Variants in MKLN1 observed in about 807,000 individuals in gnomAD.
The protein encoded by MKLN1 is muskelin.
Under a neutral mutation model 99.0 loss-of-function variants are expected in MKLN1, and 18 were observed. The ratio of observed to expected loss-of-function variants is 0.18; its 90% CI spans 0.13 to 0.27. MKLN1 has a LOEUF of 0.27. MKLN1 is among the 10% of genes least tolerant of loss of function. The probability of loss-of-function intolerance (pLI) is 1.00; values close to 1 mark genes in which losing one functional copy is unlikely to be tolerated. For missense variants in MKLN1, 621 were observed against 875.9 expected, an observed-to-expected ratio of 0.71 and a Z score of 3.67; for synonymous variants, 288 against 293.2, an observed-to-expected ratio of 0.98 and a Z score of 0.18.
chr7:131,327,103 C>CT (rs1179248496), upstream of MKLN1: 4 of 152,330 alleles, frequency 2.6e-5, no homozygotes, highest in African/African-American at 9.6e-5. Flanking sequence ...AAGGAATAGT[C>CT]TTTTTCCTGA....
intron 1 of MKLN1, among the ~76,000 whole-genome samples, chr7:131,118,557 A>G (rs1584771182): frequency 1.3e-5 from 2 of 151,884 alleles, no homozygotes; most frequent in Admixed American, 6.6e-5. Context: ...CTGTCTCAAA[A>G]AAAAAAAAAG....
intron 3 of MKLN1, among the ~76,000 whole-genome samples, chr7:131,228,883 T>C (rs1232697654): frequency 6.6e-6 from 1 of 152,160 alleles, no homozygotes; most frequent in Non-Finnish European, 1.5e-5. Flanking sequence ...TCACCGAAAA[T>C]CCAAACTCTG....
intron 3 of MKLN1, among the ~76,000 whole-genome samples, chr7:131,239,330 T>TC (rs901980221): frequency 2.6e-5 from 4 of 151,962 alleles, no homozygotes; most frequent in Non-Finnish European, 4.4e-5. Flanking sequence ...TTTTTTTTTT[T>TC]CAGACAGGGT....
At chr7:131,418,897 T>C (rs1795104961) in intron 8 of MKLN1, among the ~76,000 whole-genome samples, 1 of 152,138 alleles carries the variant, frequency 6.6e-6, no homozygotes, top group Non-Finnish European at 1.5e-5. Flanking sequence ...GCTCTGAACT[T>C]TCACAAGACT....
intron 3 of MKLN1, among the ~76,000 whole-genome samples, chr7:131,262,798 G>A (rs934001661): frequency 1.3e-4 from 19 of 151,866 alleles, no homozygotes; most frequent in East Asian, 1.2e-3. Flanking sequence ...CGCCCACCTC[G>A]GCCTCCCAAA....
chr7:131,201,700 A>G (rs1796730932), intron 2 of MKLN1, among the ~76,000 whole-genome samples: 1 of 152,270 alleles, frequency 6.6e-6, no homozygotes, highest in Non-Finnish European at 1.5e-5. Flanking sequence ...TTCAGACACA[A>G]CACTAATCAT....
chr7:131,323,417 G>C (rs1798823778), upstream of MKLN1: 1 of 152,104 alleles, frequency 6.6e-6, no homozygotes, highest in South Asian at 2.1e-4. Context: ...AAGTTTTTAG[G>C]TGCCAGTGGA....
chr7:131,451,306 CAT>C (rs1441863066), intron 12 of MKLN1, among the ~76,000 whole-genome samples: 1 of 151,810 alleles, frequency 6.6e-6, no homozygotes, highest in Non-Finnish European at 1.5e-5. Context: ...ATGGACTTAA[CAT>C]ATAATTACTG....
At chr7:131,209,145 T>A (rs1209346626) in intron 3 of MKLN1, among the ~76,000 whole-genome samples, 1 of 152,036 alleles carries the variant, frequency 6.6e-6, no homozygotes, top group Non-Finnish European at 1.5e-5. Flanking sequence ...AGGGCCTAGG[T>A]GGCTGGAACT....
chr7:131,391,016 C>T (rs186240668), intron 4 of MKLN1, among the ~76,000 whole-genome samples: 2 of 151,868 alleles, frequency 1.3e-5, no homozygotes, highest in African/African-American at 4.8e-5. Flanking sequence ...TATGTTAATA[C>T]CGGTCAGCAG....
At chr7:131,378,488 C>A (rs1793734409) in intron 2 of MKLN1, among the ~76,000 whole-genome samples, 1 of 152,186 alleles carries the variant, frequency 6.6e-6, no homozygotes, top group Non-Finnish European at 1.5e-5. Context: ...TATAATATTT[C>A]TTTCCCACTC....
intron 1 of MKLN1, among the ~76,000 whole-genome samples, chr7:131,133,167 G>A (rs1319350374): frequency 2.6e-5 from 4 of 151,430 alleles, no homozygotes; most frequent in Admixed American, 2.6e-4. Context: ...AAGCTAGATG[G>A]CCACTTGTAC....
chr7:131,224,243 A>C (rs1163412943), intron 3 of MKLN1, among the ~76,000 whole-genome samples: 1 of 152,224 alleles, frequency 6.6e-6, no homozygotes, highest in Non-Finnish European at 1.5e-5. Flanking sequence ...GTTTCTATAC[A>C]AAAATTTAAA....
At chr7:131,422,632 T>C (rs1795239678) in intron 8 of MKLN1, among the ~76,000 whole-genome samples, 1 of 152,232 alleles carries the variant, frequency 6.6e-6, no homozygotes, top group Non-Finnish European at 1.5e-5. Context: ...TAACATGGCT[T>C]ATATTTTAAA....
chr7:131,421,280 A>G (rs183810785), intron 8 of MKLN1, among the ~76,000 whole-genome samples: 1 of 152,316 alleles, frequency 6.6e-6, no homozygotes, highest in East Asian at 1.9e-4. Context: ...TACTCTAAGT[A>G]TCTATTTAAT....
chr7:131,320,410 C>T (rs1314433392), intron 3 of MKLN1, among the ~76,000 whole-genome samples: 1 of 152,184 alleles, frequency 6.6e-6, no homozygotes, highest in East Asian at 1.9e-4. Context: ...CCTCCTTACA[C>T]CTTATACAAA....
intron 3 of MKLN1, among the ~76,000 whole-genome samples, chr7:131,243,856 A>G (rs1006524528): frequency 2.0e-5 from 3 of 152,164 alleles, no homozygotes; most frequent in Admixed American, 6.6e-5. Context: ...TCTACTAAAA[A>G]TACAAAAAAT....
At chr7:131,274,882 A>G (rs1214561706) in intron 3 of MKLN1, among the ~76,000 whole-genome samples, 1 of 152,214 alleles carries the variant, frequency 6.6e-6, no homozygotes. Context: ...TAACATTTGT[A>G]AAGCTCCTTT....
chr7:131,114,920 A>C (rs1795251872), intron 1 of MKLN1, among the ~76,000 whole-genome samples: 1 of 151,730 alleles, frequency 6.6e-6, no homozygotes, highest in South Asian at 2.1e-4. Flanking sequence ...TGGGCAACAG[A>C]GCAAGACTCT....
Sources: allele counts gnomAD v4.1 joint callset (sites outside exome capture counted in the v4.1 genomes callset), GRCh38; gene constraint gnomAD v4.1.1; transcripts MANE v1.5; gene names NCBI Gene and HGNC (gene_info 2026-07-23, HGNC 2026-07-21).